GNA12: variants seen among roughly 807,000 people sequenced by gnomAD.
GNA12 encodes guanine nucleotide-binding protein subunit alpha-12.
Under a neutral mutation model 26.0 loss-of-function variants are expected in GNA12, and 9 were observed. The observed-to-expected ratio is 0.35, with a 90% CI of 0.21 to 0.60. The LOEUF (loss-of-function observed/expected upper bound fraction) is 0.60, where lower values mean the gene tolerates loss of function less well. GNA12 is among the 20% of genes least tolerant of loss of function. GNA12 has a pLI of 0.78. For synonymous variants in GNA12, 264 were observed against 219.6 expected, an observed-to-expected ratio of 1.20 and a Z score of -1.79; for missense variants, 405 against 525.8, an observed-to-expected ratio of 0.77 and a Z score of 2.25.
intron 2 of GNA12, among the ~76,000 whole-genome samples, chr7:2,767,368 G>T (rs938122808): frequency 6.6e-6 from 1 of 152,060 alleles, no homozygotes; most frequent in African/African-American, 2.4e-5. Flanking sequence ...TTTAGTTTTC[G>T]TGATTATGTT....
intron 1 of GNA12, among the ~76,000 whole-genome samples, chr7:2,828,129 T>A (rs980656394): frequency 1.3e-5 from 2 of 152,152 alleles, no homozygotes; most frequent in Non-Finnish European, 2.9e-5. Context: ...TTACACATTC[T>A]AAAAATATTC....
At chr7:2,787,716 G>C (rs1404843247) in intron 2 of GNA12, among the ~76,000 whole-genome samples, 3 of 152,368 alleles carry the variant, frequency 2.0e-5, no homozygotes, top group Middle Eastern at 3.4e-3. Flanking sequence ...CATCGGGAAG[G>C]GGGAGAGGCC....
intron 2 of GNA12, among the ~76,000 whole-genome samples, chr7:2,736,161 G>A (rs1007068341): frequency 5.3e-5 from 8 of 152,158 alleles, no homozygotes; most frequent in African/African-American, 1.7e-4. Flanking sequence ...TAGAGAAAAT[G>A]CATGTGGCAG....
At chr7:2,814,382 C>G (rs779463102) in intron 1 of GNA12, 1 of 1,572,156 alleles carries the variant, frequency 6.4e-7, no homozygotes, top group Non-Finnish European at 8.8e-7. Context: ...TGGTGTGCTT[C>G]CCGAACCCTG....
At chr7:2,820,689 C>T (rs779565595) in intron 1 of GNA12, among the ~76,000 whole-genome samples, 5 of 152,212 alleles carry the variant, frequency 3.3e-5, no homozygotes, top group Non-Finnish European at 5.9e-5. Context: ...ACTGACCACC[C>T]TGGCCTCTGC....
intron 2 of GNA12, chr7:2,762,722 GCC>G: frequency 6.4e-7 from 1 of 1,560,944 alleles, no homozygotes; most frequent in South Asian, 1.2e-5. Context: ...AGGGAAGCAG[GCC>G]CCATGTCCTC....
At chr7:2,738,405 G>A (rs931769771) in intron 2 of GNA12, among the ~76,000 whole-genome samples, 1 of 152,194 alleles carries the variant, frequency 6.6e-6, no homozygotes, top group African/African-American at 2.4e-5. Context: ...TGATCTCCAC[G>A]CAGTCAGGGG....
intron 2 of GNA12, among the ~76,000 whole-genome samples, chr7:2,742,009 CACTTGA>C: frequency 6.6e-6 from 1 of 151,546 alleles, no homozygotes; most frequent in Admixed American, 6.6e-5. Context: ...TAATCTGAAA[CACTTGA>C]ATTTTTTTAT....
intron 2 of GNA12, among the ~76,000 whole-genome samples, chr7:2,737,279 T>TTTTG (rs1790247848): frequency 1.4e-5 from 1 of 73,020 alleles, no homozygotes; most frequent in African/African-American, 6.1e-5. Context: ...GTTTTGTTTT[T>TTTTG]TTTTTTTTTG....
At chr7:2,833,753 C>A (rs1778748726) in intron 1 of GNA12, among the ~76,000 whole-genome samples, 1 of 151,984 alleles carries the variant, frequency 6.6e-6, no homozygotes, top group African/African-American at 2.4e-5. Context: ...GCTTCCAGAC[C>A]CCAGAAGCAG....
intron 2 of GNA12, among the ~76,000 whole-genome samples, chr7:2,740,233 G>C (rs1004635829): frequency 2.6e-5 from 4 of 152,092 alleles, no homozygotes; most frequent in African/African-American, 9.7e-5. Context: ...CATCATTATA[G>C]ACTGCATGTT....
In GNA12 at chr7:2,843,979, C is replaced by G; in HGVS notation, c.183G>C (p.Leu61=). The stretch of plus-strand genomic sequence containing the variant: ...TGCCGCTCTCGCCCGCGCCCAGCAG[C>G]AGGATCTTCACCAGGCGCCGGACCG... ...RRAVRRLVKI[L]LLGAGESGKS... Residue 61 remains leucine (L), a synonymous_variant, in exon 1 of 4, where the codon CTG becomes CTC. Coordinates refer to ENST00000275364, the MANE Select transcript of GNA12 (RefSeq NM_007353.3). The G allele has an allele frequency of 1.3e-6, 2 of 1,586,674 alleles. No individual in the cohort carries two copies. The highest frequency in any genetic ancestry group is 2.3e-5 in the South Asian group (2 of 87,650).
At chr7:2,760,832 T>C (rs1045102144) in intron 2 of GNA12, among the ~76,000 whole-genome samples, 4 of 152,192 alleles carry the variant, frequency 2.6e-5, no homozygotes, top group Non-Finnish European at 5.9e-5. Context: ...AGAGGTTAGC[T>C]TGTCTGCAAG....
chr7:2,814,961 GC>G (rs1238440439), intron 1 of GNA12: 2 of 1,565,128 alleles, frequency 1.3e-6, no homozygotes, highest in African/African-American at 2.7e-5. Context: ...TAGGCGCTCT[GC>G]ACTCGGCATG....
At chr7:2,756,882 TG>T (rs767466557) in intron 2 of GNA12, among the ~76,000 whole-genome samples, 49 of 152,120 alleles carry the variant, frequency 3.2e-4, no homozygotes, top group Non-Finnish European at 2.8e-4. Context: ...GAGGTTGGTC[TG>T]GGTAACACAG....
At chr7:2,732,610 C>T (rs986895568) in intron 3 of GNA12, among the ~76,000 whole-genome samples, 4 of 152,146 alleles carry the variant, frequency 2.6e-5, no homozygotes, top group Non-Finnish European at 5.9e-5. Flanking sequence ...AGTGCACACA[C>T]CACTCAGGCA....
At chr7:2,735,584 C>T (rs116255700) in intron 2 of GNA12, among the ~76,000 whole-genome samples, 1 of 152,168 alleles carries the variant, frequency 6.6e-6, no homozygotes, top group East Asian at 1.9e-4. Context: ...AAACACCCCT[C>T]GAGTCTGCAA....
intron 1 of GNA12, among the ~76,000 whole-genome samples, chr7:2,830,814 C>T (rs962776907): frequency 5.3e-5 from 8 of 152,216 alleles, no homozygotes; most frequent in Admixed American, 1.3e-4. Context: ...TGGCGGTGTG[C>T]ACCTGTGTCC....
intron 1 of GNA12, among the ~76,000 whole-genome samples, chr7:2,796,217 G>A (rs1019404408): frequency 1.3e-5 from 2 of 152,080 alleles, no homozygotes; most frequent in Non-Finnish European, 2.9e-5. Context: ...ATGTCTGAAC[G>A]GTACCAAGCC....
Sources: allele counts gnomAD v4.1 joint callset (sites outside exome capture counted in the v4.1 genomes callset), GRCh38; gene constraint gnomAD v4.1.1; transcripts MANE v1.5; gene names NCBI Gene and HGNC (gene_info 2026-07-23, HGNC 2026-07-21).